ZNF385D: variants seen among roughly 807,000 people sequenced by gnomAD.
ZNF385D encodes the protein zinc finger protein 385D.
ZNF385D carries 15 observed loss-of-function variants against 35.8 expected under a neutral mutation model. The ratio of observed to expected loss-of-function variants is 0.42; its 90% CI spans 0.28 to 0.64. ZNF385D has a LOEUF of 0.64. Among genes scored for constraint, ZNF385D ranks in the 30% least tolerant of loss-of-function variants. ZNF385D has a pLI of 0.23. For synonymous variants in ZNF385D, 212 were observed against 186.8 expected (o/e 1.13, Z -1.10); for missense variants, 474 against 494.6 (o/e 0.96, Z 0.39).
chr3:22,120,003 T>G (rs1226920071), intron 3 of ZNF385D, among the ~76,000 whole-genome samples: 2 of 151,004 alleles, frequency 1.3e-5, no homozygotes, highest in Non-Finnish European at 2.9e-5. Flanking sequence ...TTCTTTTTTT[T>G]TTTTTTGGTA....
At chr3:21,830,676 G>A (rs1485618692) in intron 3 of ZNF385D, among the ~76,000 whole-genome samples, 1 of 151,752 alleles carries the variant, frequency 6.6e-6, no homozygotes, top group African/African-American at 2.4e-5. Context: ...TAGTAGAGTT[G>A]CGGAATGTGC....
intron 3 of ZNF385D, among the ~76,000 whole-genome samples, chr3:21,529,550 A>AT (rs1021978211): frequency 6.6e-5 from 10 of 151,734 alleles, no homozygotes; most frequent in Non-Finnish European, 1.2e-4. Flanking sequence ...TCTTGTGATT[A>AT]TTTTTTTTCC....
chr3:21,751,136 C>G lies in ZNF385D; in HGVS notation c.-220G>C, dbSNP rs2070059752. The G allele has an allele frequency of 6.9e-6, 10 of 1,453,492 alleles. No individual in the cohort carries two copies. The South Asian group carries it at 1.2e-4, about 17-fold the overall frequency. The allele number at this position is 1,453,492 out of a possible 1,614,324, so 90.0% of individuals were successfully genotyped here. A position where few individuals can be genotyped will look rare whatever the true frequency, so the allele number is the denominator to read the frequency against. ...CGGCTGGAGAGTGCGCTCGGGCTGC[C>G]TGCTGCACTGCCCATCCTTACTGTA... On this transcript the variant is annotated 5_prime_UTR_variant, in exon 1 of 8. Transcript: ENST00000281523.
At chr3:21,486,686 A>G (rs1158004936) in intron 4 of ZNF385D, among the ~76,000 whole-genome samples, 1 of 152,164 alleles carries the variant, frequency 6.6e-6, no homozygotes, top group Non-Finnish European at 1.5e-5. Flanking sequence ...TGGGACAGAC[A>G]TTAGGTCACA....
intron 2 of ZNF385D, among the ~76,000 whole-genome samples, chr3:22,298,368 G>T (rs945972457): frequency 7.4e-6 from 1 of 135,462 alleles, no homozygotes; most frequent in African/African-American, 2.7e-5. Context: ...GGAGAAAGCA[G>T]TATGTATGTG....
chr3:22,237,298 T>TA (rs1699241123), intron 2 of ZNF385D, among the ~76,000 whole-genome samples: 1 of 152,220 alleles, frequency 6.6e-6, no homozygotes, highest in Non-Finnish European at 1.5e-5. Flanking sequence ...TCTTTTCATG[T>TA]GCCTACTGGC....
chr3:21,631,234 C>T (rs141259143), intron 2 of ZNF385D, among the ~76,000 whole-genome samples: 78 of 152,232 alleles, frequency 5.1e-4, no homozygotes, highest in African/African-American at 1.8e-3. Flanking sequence ...TGGCTCCTCA[C>T]CTGTTTCCTT....
At position 21,708,859 on chromosome 3, in the gene ZNF385D, G is replaced by A. The variant is rs562070049; in HGVS notation, c.22+42036C>T. On this transcript the variant is annotated intron_variant, in intron 1 of 7. Coordinates refer to ENST00000281523, the MANE Select transcript of ZNF385D (RefSeq NM_024697.3). ...TAAAGCATCCGAAGTGTGTGTGGGC[G>A]TGCACACACACACACACACACACAC... Among the ~76,000 whole-genome samples, 1,343 of 137,156 alleles carry A rather than the reference G, an allele frequency of 9.8e-3. 19 individuals carry two copies. The highest frequency in any genetic ancestry group is 0.035 in the African/African-American group (1,198 of 34,492). The allele number at this position is 137,156 out of a possible 152,430, so 90.0% of individuals were successfully genotyped here. A position where few individuals can be genotyped will look rare whatever the true frequency, so the allele number is the denominator to read the frequency against.
intron 1 of ZNF385D, among the ~76,000 whole-genome samples, chr3:21,696,839 G>A (rs1053359404): frequency 6.6e-6 from 1 of 152,222 alleles, no homozygotes; most frequent in Non-Finnish European, 1.5e-5. Flanking sequence ...AAGGGAGCAA[G>A]CACATTACCT....
Position 21,920,510 on chromosome 3 carries a change from G to A in ZNF385D, c.325+248307C>T, listed in dbSNP as rs1190222539. 2.6e-5 allele frequency among the ~76,000 whole-genome samples: 4 copies of A among 151,246 alleles called. No individual in the cohort carries two copies. The South Asian group carries it at 8.4e-4, about 32-fold the overall frequency. On this transcript the variant is annotated intron_variant, in intron 3 of 5. Coordinates refer to the ZNF385D transcript ENST00000494108. ...GTTTCAAGAGACTTCAGAGCTTACAGATAGAAAGCTGTGAGTCATTAACAT... is the reference window on the plus strand; with the variant it reads ...GTTTCAAGAGACTTCAGAGCTTACAAATAGAAAGCTGTGAGTCATTAACAT...
chr3:22,133,083 G>A (rs1368837149), intron 3 of ZNF385D, among the ~76,000 whole-genome samples: 1 of 152,066 alleles, frequency 6.6e-6, no homozygotes. Context: ...TTAAATGAAA[G>A]TGCAGCTAAT....
rs1287897797 is a variant in ZNF385D at position 21,896,145 on chromosome 3, ACT to A, written c.326-231119_326-231118del. On this transcript the variant is annotated intron_variant, in intron 3 of 5. Coordinates refer to the ZNF385D transcript ENST00000494108. ...ATATGACAGTAAGAGAGATGTTGTG[ACT>A]CTATGTTTCCACTGGCAAGAATGTT... is the stretch of plus-strand genomic sequence containing the variant. Among the ~76,000 whole-genome samples the A allele has an allele frequency of 5.3e-5, 8 of 152,146 alleles. No individual in the cohort carries two copies. In the East Asian group the frequency reaches 1.4e-3, roughly 26 times the overall value.
intron 3 of ZNF385D, among the ~76,000 whole-genome samples, chr3:22,105,474 T>C (rs1207123696): frequency 6.6e-6 from 1 of 152,114 alleles, no homozygotes; most frequent in African/African-American, 2.4e-5. Context: ...TAATATAAAA[T>C]ATTGGCTCAC....
chr3:21,948,632 T>C (rs1236845699), intron 3 of ZNF385D, among the ~76,000 whole-genome samples: 2 of 152,166 alleles, frequency 1.3e-5, no homozygotes, highest in Non-Finnish European at 2.9e-5. Context: ...ATTTATCAGT[T>C]TTATTTTTTC....
intron 3 of ZNF385D, among the ~76,000 whole-genome samples, chr3:21,806,277 G>GA (rs1396551088): frequency 1.1e-4 from 16 of 150,696 alleles, no homozygotes; most frequent in African/African-American, 3.7e-4. Flanking sequence ...TTTGGTACCT[G>GA]AAAAAAGAAT....
intron 3 of ZNF385D, among the ~76,000 whole-genome samples, chr3:21,902,528 T>C (rs780701762): frequency 2.0e-5 from 3 of 152,192 alleles, no homozygotes; most frequent in Non-Finnish European, 2.9e-5. Context: ...CCTCCTTTTA[T>C]AGAATCAAGT....
intron 2 of ZNF385D, among the ~76,000 whole-genome samples, chr3:21,663,683 G>C (rs2066303647): frequency 6.6e-6 from 1 of 151,416 alleles, no homozygotes; most frequent in Non-Finnish European, 1.5e-5. Context: ...TTATTTATGA[G>C]ATATCAATTT....
intron 3 of ZNF385D, among the ~76,000 whole-genome samples, chr3:21,981,467 C>G (rs185707333): frequency 7.2e-5 from 11 of 152,224 alleles, no homozygotes; most frequent in Admixed American, 3.9e-4. Flanking sequence ...GGATGTTACA[C>G]CTTTGTCAGA....
At chr3:22,097,047 G>A (rs1472801884) in intron 3 of ZNF385D, among the ~76,000 whole-genome samples, 3 of 152,036 alleles carry the variant, frequency 2.0e-5, no homozygotes, top group Admixed American at 6.6e-5. Flanking sequence ...GGATCTCTAG[G>A]AGAAAGTGAC....
Sources: allele counts gnomAD v4.1 joint callset (sites outside exome capture counted in the v4.1 genomes callset), GRCh38; gene constraint gnomAD v4.1.1; transcripts MANE v1.5; gene names NCBI Gene and HGNC (gene_info 2026-07-23, HGNC 2026-07-21).